TMEM132D: variants seen among roughly 807,000 people sequenced by gnomAD.
The protein encoded by TMEM132D is mature OL transmembrane protein.
Under a neutral mutation model 62.3 loss-of-function variants are expected in TMEM132D, and 21 were observed. The ratio of observed to expected loss-of-function variants is 0.34; its 90% CI spans 0.24 to 0.49. The LOEUF (loss-of-function observed/expected upper bound fraction) is 0.49, where lower values mean the gene tolerates loss of function less well. TMEM132D is among the 20% of genes least tolerant of loss of function. The pLI is 0.99. For synonymous variants in TMEM132D, 621 were observed against 575.6 expected (o/e 1.08, Z -1.13); for missense variants, 1,346 against 1,402.8 (o/e 0.96, Z 0.65).
chr12:129,107,079 A>G (rs12307448), intron 5 of TMEM132D, among the ~76,000 whole-genome samples: 1 of 152,200 alleles, frequency 6.6e-6, no homozygotes, highest in Non-Finnish European at 1.5e-5. Context: ...TGCTTGGCAT[A>G]TAGTAGGCAC....
At chr12:129,449,088 C>A (rs146754980) in intron 3 of TMEM132D, among the ~76,000 whole-genome samples, 1 of 151,992 alleles carries the variant, frequency 6.6e-6, no homozygotes, top group Non-Finnish European at 1.5e-5. Context: ...TTTTATCTTC[C>A]GGATAAAGTG....
rs1374637563 is a variant in TMEM132D at position 129,874,602 on chromosome 12, A to AC, written c.79+28658_79+28659insG. On this transcript the variant is annotated intron_variant, in intron 1 of 8. Transcript: ENST00000422113. ...TCAATAAAGCTAGGTTAAAAAAAAA[A>AC]AAAAAACGGAGGTCAAAAAGCTACA... Among the ~76,000 whole-genome samples, 453 of 151,402 alleles carry AC rather than the reference A, an allele frequency of 3.0e-3. 3 individuals carry two copies. The highest frequency in any genetic ancestry group is 0.01 in the African/African-American group (434 of 41,418).
At chr12:129,498,823 T>C (rs983522152) in intron 3 of TMEM132D, among the ~76,000 whole-genome samples, 2 of 152,168 alleles carry the variant, frequency 1.3e-5, no homozygotes, top group Admixed American at 1.3e-4. Context: ...ATAGGACTAC[T>C]ACATTATGGA....
chr12:129,649,952 A>G (rs980125142), intron 2 of TMEM132D, among the ~76,000 whole-genome samples: 5 of 151,466 alleles, frequency 3.3e-5, no homozygotes, highest in Non-Finnish European at 7.4e-5. Context: ...GTGTGTGTGT[A>G]TGTGTATATA....
chr12:129,456,058 C>G (rs1052812780), intron 3 of TMEM132D, among the ~76,000 whole-genome samples: 1 of 152,058 alleles, frequency 6.6e-6, no homozygotes, highest in East Asian at 1.9e-4. Flanking sequence ...AACCATGTGA[C>G]CGGGTGGATG....
At chr12:129,792,338 G>C (rs563801857) in intron 1 of TMEM132D, among the ~76,000 whole-genome samples, 1 of 152,018 alleles carries the variant, frequency 6.6e-6, no homozygotes, top group African/African-American at 2.4e-5. Flanking sequence ...TCATCTCTAC[G>C]GGCCTTAGCT....
At chr12:129,697,134 A>G (rs1441881749) in intron 2 of TMEM132D, among the ~76,000 whole-genome samples, 1 of 151,988 alleles carries the variant, frequency 6.6e-6, no homozygotes, top group Admixed American at 6.5e-5. Flanking sequence ...TCAACAAAGA[A>G]CTCAAACCGT....
intron 5 of TMEM132D, among the ~76,000 whole-genome samples, chr12:129,174,231 C>T (rs1593285468): frequency 6.6e-6 from 1 of 152,082 alleles, no homozygotes; most frequent in Non-Finnish European, 1.5e-5. Flanking sequence ...CTCCCCTTGC[C>T]CCCCACCCCT....
Position 129,900,902 on chromosome 12 carries a change from C to T in TMEM132D, c.79+2359G>A, listed in dbSNP as rs1180377462. On this transcript the variant is annotated intron_variant, in intron 1 of 8. Transcript: ENST00000422113. ...CCCAGGGGCATAGAAATACAAGCAA[C>T]AAAACTTTATGTTTATTTGTTTTTA... Among the ~76,000 whole-genome samples the T allele has an allele frequency of 3.9e-5, 6 of 152,092 alleles. No homozygotes were observed. The East Asian group carries it at 1.2e-3, about 29-fold the overall frequency.
At chr12:129,286,924 T>C (rs1881316462) in intron 4 of TMEM132D, among the ~76,000 whole-genome samples, 1 of 152,114 alleles carries the variant, frequency 6.6e-6, no homozygotes, top group Non-Finnish European at 1.5e-5. Flanking sequence ...GGCGCATGCC[T>C]GTAATCCCAG....
At chr12:129,477,845 C>T (rs1011675770) in intron 3 of TMEM132D, among the ~76,000 whole-genome samples, 1 of 151,790 alleles carries the variant, frequency 6.6e-6, no homozygotes, top group African/African-American at 2.4e-5. Context: ...ATAAAATAGA[C>T]ACATACACAC....
chr12:129,395,856 T>C (rs894367063), intron 3 of TMEM132D, among the ~76,000 whole-genome samples: 2 of 147,394 alleles, frequency 1.4e-5, no homozygotes, highest in African/African-American at 4.9e-5. Context: ...GATACATTGA[T>C]ATGTACATAT....
At chr12:129,330,582 G>A (rs902403453) in intron 4 of TMEM132D, among the ~76,000 whole-genome samples, 2 of 152,180 alleles carry the variant, frequency 1.3e-5, no homozygotes, top group African/African-American at 4.8e-5. Flanking sequence ...TCATGGGAGT[G>A]AGACTGGTGG....
At chr12:129,702,378 G>T (rs1881403992) in intron 1 of TMEM132D, among the ~76,000 whole-genome samples, 1 of 152,186 alleles carries the variant, frequency 6.6e-6, no homozygotes, top group East Asian at 1.9e-4. Flanking sequence ...GCCTTAAAAA[G>T]ATTACATGTT....
At chr12:129,378,914 G>A (rs748506188) in intron 3 of TMEM132D, among the ~76,000 whole-genome samples, 15 of 152,224 alleles carry the variant, frequency 9.9e-5, no homozygotes, top group Non-Finnish European at 1.9e-4. Flanking sequence ...ATGTCTCGGC[G>A]TTCTTTTCAA....
intron 5 of TMEM132D, among the ~76,000 whole-genome samples, chr12:129,170,869 T>C (rs1877705382): frequency 6.6e-6 from 1 of 152,080 alleles, no homozygotes; most frequent in Admixed American, 6.6e-5. Context: ...CAAGTCATAA[T>C]CTTTTTGCTG....
At chr12:129,079,113 ATTTG>A (rs879689693) in intron 7 of TMEM132D, among the ~76,000 whole-genome samples, 2 of 152,102 alleles carry the variant, frequency 1.3e-5, no homozygotes, top group Non-Finnish European at 2.9e-5. Flanking sequence ...TACTTAAATG[ATTTG>A]TTTTTTTCAA....
At chr12:129,222,941 T>C (rs1879386585) in intron 4 of TMEM132D, among the ~76,000 whole-genome samples, 2 of 152,146 alleles carry the variant, frequency 1.3e-5, no homozygotes, top group Non-Finnish European at 1.5e-5. Flanking sequence ...TGGGAACTAA[T>C]GAATTTATTA....
intron 2 of TMEM132D, among the ~76,000 whole-genome samples, chr12:129,572,317 G>A (rs1288335944): frequency 6.6e-6 from 1 of 152,240 alleles, no homozygotes; most frequent in Non-Finnish European, 1.5e-5. Context: ...TGGAGCTGGC[G>A]GGCAGAGGGA....
Sources: gnomAD v4.1 joint callset for allele counts (sites outside exome capture counted in the v4.1 genomes callset) on GRCh38, gnomAD v4.1.1 for gene constraint, MANE v1.5 for transcripts, NCBI Gene and HGNC (gene_info 2026-07-23, HGNC 2026-07-21) for gene names.